Variants in EVA1A observed in about 807,000 individuals in gnomAD.
EVA1A encodes eva-1 homolog A, regulator of programmed cell death.
Under a neutral mutation model 9.8 loss-of-function variants are expected in EVA1A, and 7 were observed. The ratio of observed to expected loss-of-function variants is 0.71; its 90% CI spans 0.41 to 1.34. The LOEUF (loss-of-function observed/expected upper bound fraction) is 1.34, where lower values mean the gene tolerates loss of function less well. EVA1A is among the 40% of genes most tolerant of loss of function. The pLI is 0.01. For missense variants in EVA1A, 206 were observed against 205.9 expected, an observed-to-expected ratio of 1.00 and a Z score of 0.00; for synonymous variants, 90 against 85.6, an observed-to-expected ratio of 1.05 and a Z score of -0.28.
chr2:75,562,188 C>T (rs775049287), upstream of EVA1A, among the ~76,000 whole-genome samples: 1 of 152,176 alleles, frequency 6.6e-6, no homozygotes, highest in Non-Finnish European at 1.5e-5. Context: ...GTATATTATG[C>T]TGTATATTGG....
At chr2:75,501,674 G>A (rs1488606807) in intron 3 of EVA1A, among the ~76,000 whole-genome samples, 1 of 152,198 alleles carries the variant, frequency 6.6e-6, no homozygotes, top group East Asian at 1.9e-4. Context: ...GCCAAAGAGA[G>A]GGACTGGCCC....
rs58527223 is a variant in EVA1A, at chr2:75,546,640, T to C, written c.-192+14040A>G. The stretch of plus-strand genomic sequence containing the variant: ...CTCAGGGATCTTGGTCAGAGGAAGC[T>C]CCTGAATTCTTCTTGGGAAAGGGTC... On this transcript the variant is annotated intron_variant, in intron 1 of 3. Coordinates refer to ENST00000393913, the MANE Select transcript of EVA1A (RefSeq NM_001135032.2). Among the ~76,000 whole-genome samples the C allele has an allele frequency of 3.9e-3, 589 of 152,188 alleles. 4 individuals carry two copies. Among genetic ancestry groups the C allele is most frequent in the African/African-American group, 0.013 (560 of 41,528 alleles).
chr2:75,493,580 C>A lies in EVA1A; in HGVS notation c.115G>T (p.Val39Phe). 4 of 1,611,818 alleles carry A rather than the reference C, an allele frequency of 2.5e-6. No individual in the cohort carries two copies. Among genetic ancestry groups the A allele is most frequent in the Non-Finnish European group, 3.4e-6 (4 of 1,178,790 alleles). The change falls in exon 4 of 4, where the codon GTT (valine) becomes TTT (phenylalanine). Residue 39 changes from valine to phenylalanine, a missense_variant. Coordinates refer to ENST00000393913, the MANE Select transcript of EVA1A (RefSeq NM_001135032.2). ...ACCAGCCCGATGCACACGCCAGAAA[C>A]AAAGTACAGAGCTGCTCGCTCAGGA... is the stretch of plus-strand genomic sequence containing the variant. ...ENPERAALYF[V>F]SGVCIGLVLT...
chr2:75,501,115 C>G (rs1280691338), intron 3 of EVA1A, among the ~76,000 whole-genome samples: 1 of 152,132 alleles, frequency 6.6e-6, no homozygotes, highest in African/African-American at 2.4e-5. Flanking sequence ...TCCACAGGAG[C>G]CTTTAGTCCA....
chr2:75,543,073 C>T (rs1241896270), intron 1 of EVA1A, among the ~76,000 whole-genome samples: 1 of 152,142 alleles, frequency 6.6e-6, no homozygotes, highest in Non-Finnish European at 1.5e-5. Flanking sequence ...GAATGGAAGT[C>T]AGTCACAACA....
At chr2:75,565,447 G>A (rs116768745), upstream of EVA1A, among the ~76,000 whole-genome samples, 78 of 152,238 alleles carry the variant, frequency 5.1e-4, 1 homozygote, top group African/African-American at 1.6e-3. Flanking sequence ...TCCTGTGTGC[G>A]GAGTATTAAG....
In EVA1A at chr2:75,493,513, G is replaced by A. The variant is rs777407818; in HGVS notation, c.182C>T (p.Thr61Ile). Residue 61 changes from threonine to isoleucine, a missense_variant, in exon 4 of 4, where the codon ACA (threonine) becomes ATA (isoleucine). Thr to Ile is a moderately conservative substitution (Grantham distance 89, BLOSUM62 -1). Coordinates refer to ENST00000393913, the MANE Select transcript of EVA1A (RefSeq NM_001135032.2). ...CTTCCCGGGACGCCGCCTGCAGTCT[G>A]TGTGGCAAGAGATCCTTATCACCAG... is the stretch of plus-strand genomic sequence containing the variant. ...AALVIRISCH[T>I]DCRRRPGKKF... 1.9e-6 allele frequency: 3 copies of A among 1,614,098 alleles called. No homozygotes were observed. The highest frequency in any genetic ancestry group is 2.5e-6 in the Non-Finnish European group (3 of 1,180,054).
At chr2:75,519,808 C>A (rs1448822182) in intron 2 of EVA1A, among the ~76,000 whole-genome samples, 2 of 151,752 alleles carry the variant, frequency 1.3e-5, no homozygotes, top group Non-Finnish European at 1.5e-5. Flanking sequence ...ATTTCAAAAC[C>A]ATTCCCTCCT....
intron 2 of EVA1A, among the ~76,000 whole-genome samples, chr2:75,521,905 G>T (rs1675244071): frequency 6.6e-6 from 1 of 152,122 alleles, no homozygotes; most frequent in African/African-American, 2.4e-5. Flanking sequence ...TTTATTTAAA[G>T]AATCTTGCAA....
At chr2:75,531,586 A>T (rs189085932) in intron 1 of EVA1A, among the ~76,000 whole-genome samples, 4 of 152,020 alleles carry the variant, frequency 2.6e-5, no homozygotes, top group Non-Finnish European at 5.9e-5. Flanking sequence ...CAGCCATAAA[A>T]AGGAAAGAAA....
intron 1 of EVA1A, among the ~76,000 whole-genome samples, chr2:75,543,544 T>C (rs1676215104): frequency 6.6e-6 from 1 of 151,452 alleles, no homozygotes; most frequent in South Asian, 2.1e-4. Flanking sequence ...AACCTTGACC[T>C]GGAAGTCTAG....
At chr2:75,568,108 A>T (rs990753141) in intron 1 of EVA1A, among the ~76,000 whole-genome samples, 3 of 152,128 alleles carry the variant, frequency 2.0e-5, no homozygotes, top group Non-Finnish European at 2.9e-5. Flanking sequence ...CCCTGGGCAC[A>T]TGGGAAGTTT....
intron 1 of EVA1A, among the ~76,000 whole-genome samples, chr2:75,528,774 C>A (rs1558682751): frequency 6.6e-6 from 1 of 152,170 alleles, no homozygotes; most frequent in East Asian, 1.9e-4. Context: ...ATCCAGGTGA[C>A]CTTAGGGCAA....
chr2:75,548,594 C>A (rs189679101), intron 1 of EVA1A, among the ~76,000 whole-genome samples: 1 of 152,126 alleles, frequency 6.6e-6, no homozygotes, highest in Non-Finnish European at 1.5e-5. Context: ...CCCTTCCCTC[C>A]GAAGCTTTTC....
At chr2:75,540,316 C>T (rs1676064964) in intron 1 of EVA1A, among the ~76,000 whole-genome samples, 1 of 152,204 alleles carries the variant, frequency 6.6e-6, no homozygotes, top group African/African-American at 2.4e-5. Context: ...CATTTAGAGC[C>T]ACATTTTCTC....
chr2:75,509,049 T>C (rs1674719879), intron 3 of EVA1A, among the ~76,000 whole-genome samples: 1 of 152,140 alleles, frequency 6.6e-6, no homozygotes, highest in African/African-American at 2.4e-5. Flanking sequence ...TGTCGTGTCT[T>C]GTGAATTCCT....
At chr2:75,538,633 T>G (rs572500588) in intron 1 of EVA1A, among the ~76,000 whole-genome samples, 2 of 152,290 alleles carry the variant, frequency 1.3e-5, no homozygotes, top group South Asian at 4.1e-4. Context: ...CTGTAGTACA[T>G]CTATACCATG....
intron 3 of EVA1A, among the ~76,000 whole-genome samples, chr2:75,493,919 T>C (rs1447464225): frequency 6.6e-6 from 1 of 152,236 alleles, no homozygotes; most frequent in East Asian, 1.9e-4. Flanking sequence ...CAGCCGTGCT[T>C]AGGTGTCATT....
intron 2 of EVA1A, among the ~76,000 whole-genome samples, chr2:75,519,224 C>T (rs1341640386): frequency 3.9e-5 from 6 of 152,192 alleles, no homozygotes. Context: ...CTATGAACTG[C>T]TCATGAACAG....
Sources: allele counts gnomAD v4.1 joint callset (sites outside exome capture counted in the v4.1 genomes callset), GRCh38; gene constraint gnomAD v4.1.1; transcripts MANE v1.5; gene names NCBI Gene and HGNC (gene_info 2026-07-23, HGNC 2026-07-21).